Variants in MARCHF1 observed in about 807,000 individuals in gnomAD.
The protein encoded by MARCHF1 is E3 ubiquitin-protein ligase MARCHF1.
Under a neutral mutation model 54.2 loss-of-function variants are expected in MARCHF1, and 40 were observed. The ratio of observed to expected loss-of-function variants is 0.74; its 90% confidence interval spans 0.57 to 0.96. The LOEUF (loss-of-function observed/expected upper bound fraction) is 0.96. Ranked by LOEUF, MARCHF1 falls within the 40% of genes least tolerant of loss-of-function variation. The pLI, the probability that MARCHF1 is intolerant of heterozygous loss-of-function variation, is 0.00. For synonymous variants in MARCHF1, 236 were observed against 236.3 expected (o/e 1.00, Z 0.01); for missense variants, 586 against 656.5 (o/e 0.89, Z 1.17).
rs1180997251 is a variant in MARCHF1 at position 163,573,557 on chromosome 4, G to A, written c.1191+12192C>T. The stretch of plus-strand genomic sequence containing the variant: ...AGTTCCCACCTATGAGTGAGAATAC[G>A]CGGTGTTTGGTTTTTTGTTCTTGTG... On this transcript the variant is annotated intron_variant, in intron 8 of 9. Transcript: ENST00000514618. Among the ~76,000 whole-genome samples, 216 of 147,322 alleles carry A rather than the reference G, an allele frequency of 1.5e-3. 1 individual carries two copies. Among genetic ancestry groups the A allele is most frequent in the East Asian group, 2.0e-3 (10 of 4,972 alleles).
At chr4:164,048,343 G>A (rs898147125) in intron 2 of MARCHF1, among the ~76,000 whole-genome samples, 5 of 151,886 alleles carry the variant, frequency 3.3e-5, no homozygotes, top group African/African-American at 1.2e-4. Context: ...GAAGCAAATT[G>A]GACTGATTTT....
At chr4:164,276,947 T>TATATATATAGAG (rs1392528920) in intron 1 of MARCHF1, among the ~76,000 whole-genome samples, 207 of 118,784 alleles carry the variant, frequency 1.7e-3, no homozygotes, top group African/African-American at 2.7e-3. Context: ...TATATATATA[T>TATATATATAGAG]AGAGAGAGAG....
intron 1 of MARCHF1, among the ~76,000 whole-genome samples, chr4:164,122,950 C>G (rs770728405): frequency 1.3e-5 from 2 of 152,020 alleles, no homozygotes; most frequent in Non-Finnish European, 2.9e-5. Context: ...GACAAGAAAG[C>G]AATTCAAGAA....
rs1561047066 is a variant in MARCHF1, at chr4:163,733,222, CACGTGTATATATATATAT to C, written c.112-32377_112-32360del. Reference sequence around the variant, plus strand: ...ATATATATATATATATATATATATACACGTGTATATATATATATACACGTGTATATATATATACACACA... The same window carrying C: ...ATATATATATATATATATATATATACACACGTGTATATATATATACACACA... On this transcript the variant is annotated intron_variant, in intron 4 of 9. Coordinates refer to ENST00000514618, the MANE Select transcript of MARCHF1 (RefSeq NM_001394959.1). Among the ~76,000 whole-genome samples the C allele has an allele frequency of 2.4e-3, 32 of 13,078 alleles. 4 individuals carry two copies. The highest frequency in any genetic ancestry group is 6.6e-3 in the Non-Finnish European group (27 of 4,118). 8.6% of individuals were successfully genotyped at this position (13,078 alleles called of 152,430 possible).
intron 1 of MARCHF1, among the ~76,000 whole-genome samples, chr4:164,204,736 T>C (rs769671143): frequency 6.6e-6 from 1 of 152,228 alleles, no homozygotes; most frequent in Non-Finnish European, 1.5e-5. Flanking sequence ...AAGGTAATGC[T>C]GAAGGTGTCA....
At chr4:164,333,444 T>G (rs145259900) in intron 1 of MARCHF1, among the ~76,000 whole-genome samples, 118 of 152,326 alleles carry the variant, frequency 7.7e-4, no homozygotes, top group African/African-American at 2.8e-3. Context: ...CTCACAATAT[T>G]TTAAATGATT....
chr4:163,856,524 TTTA>T (rs1336584637), intron 3 of MARCHF1, among the ~76,000 whole-genome samples: 6 of 152,218 alleles, frequency 3.9e-5, no homozygotes, highest in Non-Finnish European at 8.8e-5. Context: ...ACTTCAGCTT[TTTA>T]TTATATTAAT....
intron 1 of MARCHF1, among the ~76,000 whole-genome samples, chr4:164,133,511 C>T (rs187565376): frequency 6.6e-6 from 1 of 152,260 alleles, no homozygotes; most frequent in African/African-American, 2.4e-5. Flanking sequence ...AAAGTCTCAT[C>T]ACATTAAAAT....
In MARCHF1 at chr4:163,612,673, G is replaced by A; in HGVS notation, c.608C>T (p.Thr203Ile). 1 of 1,535,520 alleles carries A rather than the reference G, an allele frequency of 6.5e-7. No homozygotes were observed. Among genetic ancestry groups the A allele is most frequent in the Non-Finnish European group, 8.7e-7 (1 of 1,146,530 alleles). Residue 203 changes from threonine (T) to isoleucine (I), a missense_variant, in exon 7 of 10, where the codon ACT (threonine) becomes ATT (isoleucine). By Grantham distance (89) the Thr-to-Ile change is moderately conservative. Transcript: ENST00000514618. ...KPCENLAGSS[T>I]PNGIELVDLG... Reference sequence around the variant, plus strand: ...ATCAACGAGCTCAATTCCGTTAGGAGTGGAAGACCCAGCTAAGTTTTCACA... The same window carrying A: ...ATCAACGAGCTCAATTCCGTTAGGAATGGAAGACCCAGCTAAGTTTTCACA...
At chr4:163,872,825 A>G (rs1025919418) in intron 3 of MARCHF1, among the ~76,000 whole-genome samples, 1 of 151,830 alleles carries the variant, frequency 6.6e-6, no homozygotes, top group Non-Finnish European at 1.5e-5. Context: ...CGGGCGGATC[A>G]TGAGGTCAGG....
At chr4:163,808,628 G>C (rs1748294632) in intron 4 of MARCHF1, among the ~76,000 whole-genome samples, 1 of 152,068 alleles carries the variant, frequency 6.6e-6, no homozygotes, top group South Asian at 2.1e-4. Context: ...GAGTGCAGTG[G>C]CGTGATCTCG....
chr4:163,848,214 T>C (rs942235103), intron 4 of MARCHF1, among the ~76,000 whole-genome samples: 1 of 152,206 alleles, frequency 6.6e-6, no homozygotes, highest in African/African-American at 2.4e-5. Context: ...GTTTCTCCTC[T>C]TTAATTTTTT....
chr4:164,303,590 A>G (rs1176459666), intron 1 of MARCHF1, among the ~76,000 whole-genome samples: 2 of 152,196 alleles, frequency 1.3e-5, no homozygotes, highest in African/African-American at 2.4e-5. Flanking sequence ...GAGTTAATAA[A>G]TTACCATTCA....
intron 3 of MARCHF1, among the ~76,000 whole-genome samples, chr4:163,908,600 G>A (rs150564747): frequency 1.1e-3 from 166 of 152,236 alleles, no homozygotes; most frequent in African/African-American, 3.4e-3. Context: ...TAGATTAGAT[G>A]ATGGGAATTC....
At chr4:163,874,568 G>GA (rs1410145922) in intron 3 of MARCHF1, among the ~76,000 whole-genome samples, 1 of 152,036 alleles carries the variant, frequency 6.6e-6, no homozygotes, top group East Asian at 1.9e-4. Flanking sequence ...CGTAGCAAGA[G>GA]AAAATCAAGC....
intron 1 of MARCHF1, among the ~76,000 whole-genome samples, chr4:164,143,622 TGAGA>T (rs936038961): frequency 5.9e-5 from 9 of 152,252 alleles, no homozygotes; most frequent in African/African-American, 2.2e-4. Flanking sequence ...AAGCAAATGC[TGAGA>T]GATTCTGTCA....
intron 8 of MARCHF1, among the ~76,000 whole-genome samples, chr4:163,572,084 A>G (rs1227495618): frequency 1.3e-5 from 2 of 152,076 alleles, no homozygotes; most frequent in East Asian, 3.9e-4. Flanking sequence ...TTTTAAATTT[A>G]AAAAAATATA....
chr4:163,631,914 T>A (rs925112371), intron 5 of MARCHF1, among the ~76,000 whole-genome samples: 11 of 152,234 alleles, frequency 7.2e-5, no homozygotes, highest in African/African-American at 2.7e-4. Flanking sequence ...TGTTAATTAT[T>A]GCAAATGGCC....
chr4:164,343,574 C>A (rs150464979), intron 1 of MARCHF1, among the ~76,000 whole-genome samples: 4 of 152,104 alleles, frequency 2.6e-5, no homozygotes, highest in African/African-American at 7.2e-5. Flanking sequence ...AGACTTTTCA[C>A]GTCTCCTTTT....
Sources: allele counts gnomAD v4.1 joint callset (sites outside exome capture counted in the v4.1 genomes callset), GRCh38; gene constraint gnomAD v4.1.1; transcripts MANE v1.5; gene names NCBI Gene and HGNC (gene_info 2026-07-23, HGNC 2026-07-21).